Variants in CDC14B observed in about 807,000 individuals in gnomAD.
CDC14B encodes the protein cell division cycle 14B.
A neutral mutation model predicts 64.2 loss-of-function variants in CDC14B; 22 were observed. That is an observed-to-expected ratio of 0.34 (90% CI 0.24 to 0.49). The LOEUF (loss-of-function observed/expected upper bound fraction) is 0.49. CDC14B is among the 20% of genes least tolerant of loss of function. The pLI is 0.99. For synonymous variants in CDC14B, 191 were observed against 215.8 expected (o/e 0.89, Z 1.01); for missense variants, 498 against 629.9 (o/e 0.79, Z 2.24).
downstream of CDC14B, among the ~76,000 whole-genome samples, chr9:96,497,239 G>C (rs976284001): frequency 6.6e-6 from 1 of 152,214 alleles, no homozygotes; most frequent in Non-Finnish European, 1.5e-5. Context: ...GTCCAGAAGC[G>C]TGTCAAAGCC....
rs1408692095 is a variant in CDC14B, at chr9:96,500,224, A to G, written c.*3529T>C. ...ATTTTCAAATGTGACAATATGTATC[A>G]AACTACATACATATGCAAAGTTTAC... On this transcript the variant is annotated 3_prime_UTR_variant, in exon 14 of 14. Coordinates refer to ENST00000375241, the MANE Select transcript of CDC14B (RefSeq NM_033331.4). 10 of 152,700 alleles carry G rather than the reference A, an allele frequency of 6.5e-5. No individual in the cohort carries two copies. The highest frequency in any genetic ancestry group is 4.4e-5 in the Non-Finnish European group (3 of 68,054). 9.5% of individuals were successfully genotyped at this position (152,700 alleles called of 1,614,324 possible). A position where few individuals can be genotyped will look rare whatever the true frequency, so the allele number is the denominator to read the frequency against.
intron 3 of CDC14B, 118 bp from the exon 4 acceptor site, chr9:96,562,903 T>C: frequency 1.5e-6 from 1 of 688,278 alleles, no homozygotes; most frequent in Non-Finnish European, 2.6e-6. Context: ...TAGCAAGACC[T>C]TTGAAAAGAT....
chr9:96,501,667 T>G lies in CDC14B; in HGVS notation c.*2086A>C, dbSNP rs568201049. On this transcript the variant is annotated 3_prime_UTR_variant, in exon 14 of 14. Transcript: ENST00000375241. Reference sequence around the variant, plus strand: ...TGAACCAGTTAAATAGAAAGATTTTTAGAAAGAGCCACAGTGATAGCAATT... The same window carrying G: ...TGAACCAGTTAAATAGAAAGATTTTGAGAAAGAGCCACAGTGATAGCAATT... 1.3e-5 allele frequency: 2 copies of G among 152,740 alleles called. No homozygotes were observed. The highest frequency in any genetic ancestry group is 4.1e-4 in the South Asian group (2 of 4,834). The allele number at this position is 152,740 out of a possible 1,614,324, so 9.5% of individuals were successfully genotyped here.
chr9:96,521,524 G>A (rs1587800175), intron 12 of CDC14B, among the ~76,000 whole-genome samples: 1 of 152,244 alleles, frequency 6.6e-6, no homozygotes, highest in South Asian at 2.1e-4. Flanking sequence ...TCTTTGCCTT[G>A]GGTCTTTTAA....
exon 14 of CDC14B, chr9:96,491,854 G>A (rs1382336240): frequency 6.6e-6 from 1 of 152,326 alleles, no homozygotes; most frequent in Non-Finnish European, 1.5e-5. Context: ...AATGGGCTAT[G>A]TTTGCTTACC....
At chr9:96,542,951 T>C (rs912588359) in intron 5 of CDC14B, among the ~76,000 whole-genome samples, 5 of 152,010 alleles carry the variant, frequency 3.3e-5, no homozygotes, top group African/African-American at 1.2e-4. Flanking sequence ...GAGGTTGCAG[T>C]GAGCCGAGAT....
intron 9 of CDC14B, among the ~76,000 whole-genome samples, chr9:96,531,879 T>C (rs1457867792): frequency 6.6e-6 from 1 of 152,158 alleles, no homozygotes; most frequent in Non-Finnish European, 1.5e-5. Context: ...GGCTGTGTGT[T>C]ACTGTCTAGT....
chr9:96,582,464 C>CTT (rs1222815732), intron 1 of CDC14B, among the ~76,000 whole-genome samples: 1 of 152,156 alleles, frequency 6.6e-6, no homozygotes, highest in Non-Finnish European at 1.5e-5. Context: ...ACCTCTGCCT[C>CTT]TTTTAAAAAG....
At chr9:96,584,713 G>T (rs540057277) in intron 1 of CDC14B, among the ~76,000 whole-genome samples, 94 of 152,232 alleles carry the variant, frequency 6.2e-4, no homozygotes, top group African/African-American at 2.2e-3. Flanking sequence ...TAGTGCAGTG[G>T]CACAATCTTG....
chr9:96,535,373 C>T (rs1338183844), intron 7 of CDC14B, among the ~76,000 whole-genome samples: 2 of 152,014 alleles, frequency 1.3e-5, no homozygotes, highest in African/African-American at 4.8e-5. Flanking sequence ...TAAAAAATTA[C>T]AAGTATACCA....
At chr9:96,575,027 T>TC (rs1844720627) in intron 1 of CDC14B, among the ~76,000 whole-genome samples, 1 of 152,218 alleles carries the variant, frequency 6.6e-6, no homozygotes, top group African/African-American at 2.4e-5. Flanking sequence ...AGTTTATTCG[T>TC]CAGAATAAGC....
intron 9 of CDC14B, among the ~76,000 whole-genome samples, chr9:96,530,431 ATTTT>A (rs755667991): frequency 2.3e-5 from 3 of 129,538 alleles, no homozygotes; most frequent in African/African-American, 5.7e-5. Flanking sequence ...CGCCCGGCTA[ATTTT>A]TTTTTTTTTT....
intron 5 of CDC14B, among the ~76,000 whole-genome samples, chr9:96,547,487 G>T (rs891982148): frequency 2.0e-5 from 3 of 151,932 alleles, no homozygotes; most frequent in Middle Eastern, 3.4e-3. Context: ...AAAAGATACG[G>T]TCTTGTTCTG....
At chr9:96,540,006 G>T (rs986486798) in intron 6 of CDC14B, among the ~76,000 whole-genome samples, 1 of 152,062 alleles carries the variant, frequency 6.6e-6, no homozygotes, top group South Asian at 2.1e-4. Flanking sequence ...AAATAAGAAG[G>T]CTAGAATATC....
intron 1 of CDC14B, among the ~76,000 whole-genome samples, chr9:96,612,173 C>A (rs932051750): frequency 6.6e-6 from 1 of 152,254 alleles, no homozygotes; most frequent in Non-Finnish European, 1.5e-5. Context: ...GCTGCTCTGA[C>A]AAATACAGAG....
At chr9:96,608,114 A>G (rs1847088116) in intron 1 of CDC14B, among the ~76,000 whole-genome samples, 1 of 152,222 alleles carries the variant, frequency 6.6e-6, no homozygotes. Flanking sequence ...TCTGTGTGCT[A>G]GTGTCAATTC....
At chr9:96,518,408 A>G (rs915191516) in intron 12 of CDC14B, among the ~76,000 whole-genome samples, 29 of 152,044 alleles carry the variant, frequency 1.9e-4, no homozygotes, top group African/African-American at 6.7e-4. Context: ...CCAGCTACTC[A>G]GGAGGCTGAG....
Position 96,551,111 on chromosome 9 carries a change from CTT to C in CDC14B, c.497+683_497+684del, listed in dbSNP as rs202193145. On this transcript the variant is annotated intron_variant, in intron 5 of 13. Coordinates refer to ENST00000375241, the MANE Select transcript of CDC14B (RefSeq NM_033331.4). The stretch of plus-strand genomic sequence containing the variant: ...TACAAAGCCTAGGTTTTGGGGTTTG[CTT>C]TTTTTTTTTTTTTTTTTGAGACAAG... Among the ~76,000 whole-genome samples the C allele has an allele frequency of 4.1e-3, 380 of 93,262 alleles. 8 individuals carry two copies. Among genetic ancestry groups the C allele is most frequent in the East Asian group, 0.014 (43 of 3,132 alleles). The allele number at this position is 93,262 out of a possible 152,430, so 61.2% of individuals were successfully genotyped here.
chr9:96,526,638 AT>A (rs1478017731), intron 9 of CDC14B, among the ~76,000 whole-genome samples: 13 of 152,200 alleles, frequency 8.5e-5, no homozygotes, highest in African/African-American at 3.1e-4. Flanking sequence ...TACTGTCATC[AT>A]TTTTCTTCCC....
Sources: allele counts gnomAD v4.1 joint callset (sites outside exome capture counted in the v4.1 genomes callset), GRCh38; gene constraint gnomAD v4.1.1; transcripts MANE v1.5; gene names NCBI Gene and HGNC (gene_info 2026-07-23, HGNC 2026-07-21).